Variants in PRPF18 observed in about 807,000 individuals in gnomAD.
PRPF18 encodes the protein pre-mRNA-splicing factor 18.
In PRPF18, 38 loss-of-function variants were observed where a neutral mutation model predicts 46.5. The observed-to-expected ratio is 0.82, with a 90% CI of 0.63 to 1.07. The LOEUF (loss-of-function observed/expected upper bound fraction) is 1.07, where lower values mean the gene tolerates loss of function less well. Ranked by LOEUF, PRPF18 falls within the 50% of genes least tolerant of loss-of-function variation. The probability of loss-of-function intolerance (pLI) is 0.00; values close to 1 mark genes in which losing one functional copy is unlikely to be tolerated. For missense variants in PRPF18, 263 were observed against 410.0 expected, an observed-to-expected ratio of 0.64 and a Z score of 3.10; for synonymous variants, 152 against 146.7, an observed-to-expected ratio of 1.04 and a Z score of -0.26.
At chr10:13,612,893 G>C (rs763271404) in intron 6 of PRPF18, among the ~76,000 whole-genome samples, 1 of 151,980 alleles carries the variant, frequency 6.6e-6, no homozygotes, top group Non-Finnish European at 1.5e-5. Context: ...TCTCTCTTTA[G>C]TGGTCTAGAT....
At chr10:13,597,576 G>C in intron 2 of PRPF18, 41 bp downstream of exon 2, 1 of 1,598,256 alleles carries the variant, frequency 6.3e-7, no homozygotes, top group African/African-American at 1.3e-5. Flanking sequence ...ACATTTCTGA[G>C]TTTAAATTTA....
intron 1 of PRPF18, chr10:13,592,183 G>C (rs1171296930): frequency 1.9e-5 from 12 of 623,000 alleles, no homozygotes; most frequent in Non-Finnish European, 3.3e-5. Context: ...ACAAGGACAG[G>C]GTTGTGCTGC....
At position 13,626,971 on chromosome 10, in the gene PRPF18, G is replaced by A. The variant is rs375557190; in HGVS notation, c.949-3289G>A. Among the ~76,000 whole-genome samples, 17 of 152,242 alleles carry A rather than the reference G, an allele frequency of 1.1e-4. No individual in the cohort carries two copies. The South Asian group carries it at 3.5e-3, about 32-fold the overall frequency. On this transcript the variant is annotated intron_variant, in intron 9 of 9. Coordinates refer to ENST00000378572, the MANE Select transcript of PRPF18 (RefSeq NM_003675.4). Reference sequence around the variant, plus strand: ...TCACCACCTTCCTTGCTGCCACTGGGTCCAGCCACCACCTCTCATCTGAAT... The same window carrying A: ...TCACCACCTTCCTTGCTGCCACTGGATCCAGCCACCACCTCTCATCTGAAT...
chr10:13,651,655 A>G, the PRPF18 span: 2 of 463,198 alleles, frequency 4.3e-6, no homozygotes, highest in Non-Finnish European at 7.8e-6. Context: ...CCTGGGCAAC[A>G]GAACAAGACT....
chr10:13,654,183 G>T, the PRPF18 span: 1 of 575,810 alleles, frequency 1.7e-6, no homozygotes, highest in South Asian at 2.3e-5. Flanking sequence ...CACATCCCAA[G>T]GACCACCGCC....
intron 9 of PRPF18, among the ~76,000 whole-genome samples, chr10:13,624,818 A>G (rs114571807): frequency 6.6e-6 from 1 of 152,194 alleles, no homozygotes; most frequent in African/African-American, 2.4e-5. Context: ...CTGCCCTGTC[A>G]TCTGAAAATG....
chr10:13,645,572 T>TCTTTCCTCCTCTTTTG, the PRPF18 span: 1 of 152,650 alleles, frequency 6.6e-6, no homozygotes, highest in Non-Finnish European at 1.5e-5. Context: ...ATTTTTTTCT[T>TCTTTCCTCCTCTTTTG]CTTTCCTCCT....
chr10:13,592,146 C>A, intron 1 of PRPF18: 1 of 603,636 alleles, frequency 1.7e-6, no homozygotes, highest in Admixed American at 2.1e-5. Flanking sequence ...ATACATAGCA[C>A]ATCGGGAATA....
the PRPF18 span, chr10:13,643,237 C>T: frequency 6.6e-6 from 1 of 152,186 alleles, no homozygotes; most frequent in East Asian, 1.9e-4. Flanking sequence ...CCTCTGCATC[C>T]TACATGGAAT....
At position 13,597,609 on chromosome 10, in the gene PRPF18, T is replaced by A. The variant is rs1431347499; in HGVS notation, c.144+74T>A. On this transcript the variant is annotated intron_variant, in intron 2 of 9. Transcript: ENST00000378572. ...TTATACAGCTGTTGTTAAATGACAA[T>A]CATTGATCTCTGTTCAATTTATCAA... 2.5e-6 allele frequency: 4 copies of A among 1,601,296 alleles called. No homozygotes were observed. The African/African-American group carries it at 4.0e-5, about 16-fold the overall frequency.
chr10:13,599,378 TCTTC>T (rs1256375273), intron 2 of PRPF18, among the ~76,000 whole-genome samples: 1 of 152,234 alleles, frequency 6.6e-6, no homozygotes, highest in African/African-American at 2.4e-5. Context: ...AATGTGAGTT[TCTTC>T]CTTAATGTTG....
the PRPF18 span, chr10:13,638,897 C>T: frequency 1.3e-5 from 2 of 152,282 alleles, no homozygotes; most frequent in Non-Finnish European, 2.9e-5. Flanking sequence ...TTCCTGTGGG[C>T]CTCATGTTAT....
At chr10:13,601,409 C>T (rs1251132981) in intron 3 of PRPF18, among the ~76,000 whole-genome samples, 2 of 152,110 alleles carry the variant, frequency 1.3e-5, no homozygotes, top group Non-Finnish European at 2.9e-5. Flanking sequence ...TAAAGATAAT[C>T]AAGTGATATA....
At chr10:13,645,025 C>G in the PRPF18 span, 1 of 152,168 alleles carries the variant, frequency 6.6e-6, no homozygotes, top group African/African-American at 2.4e-5. Context: ...TCTAGAGAGA[C>G]TTGGTGGAGG....
intron 9 of PRPF18, among the ~76,000 whole-genome samples, chr10:13,624,154 A>G (rs1184509578): frequency 6.6e-6 from 1 of 151,364 alleles, no homozygotes. Context: ...TTTTTTTTGT[A>G]TTTTCGTAGT....
rs567120225 is a variant in PRPF18, at chr10:13,605,754, CAGAACA to C, written c.363+12_363+17del. On this transcript the variant is annotated intron_variant, in intron 4 of 9. Transcript: ENST00000378572. ...ACCAGAAGTTAACAAGGTAAGAGGACAGAACAAAGCTAGAAAAATACCACTGTACTG... is the reference window on the plus strand; with the variant it reads ...ACCAGAAGTTAACAAGGTAAGAGGACAAGCTAGAAAAATACCACTGTACTG... 128 of 1,602,810 alleles carry C rather than the reference CAGAACA, an allele frequency of 8.0e-5. 2 individuals are homozygous for C. The South Asian group carries it at 1.2e-3, about 15-fold the overall frequency.
At chr10:13,587,193 A>G (rs748801723) in intron 1 of PRPF18, 41 bp downstream of exon 1, 1 of 1,573,962 alleles carries the variant, frequency 6.4e-7, no homozygotes, top group East Asian at 2.2e-5. Flanking sequence ...TGTAAGAGTG[A>G]GAGTATGTGT....
chr10:13,591,376 C>G, intron 1 of PRPF18: 1 of 410,208 alleles, frequency 2.4e-6, no homozygotes, highest in African/African-American at 2.1e-5. Context: ...ATAATTCTTA[C>G]AACCACAAAT....
chr10:13,636,383 C>G, the PRPF18 span, among the ~76,000 whole-genome samples: 1 of 152,118 alleles, frequency 6.6e-6, no homozygotes, highest in Non-Finnish European at 1.5e-5. Context: ...CACACTGCTG[C>G]GTTCCAGCCT....
Sources: allele counts gnomAD v4.1 joint callset (sites outside exome capture counted in the v4.1 genomes callset), GRCh38; gene constraint gnomAD v4.1.1; transcripts MANE v1.5; gene names NCBI Gene and HGNC (gene_info 2026-07-23, HGNC 2026-07-21).